The following RGP1 variants were observed in gnomAD, a reference collection of about 807,000 sequenced individuals.
RGP1 encodes the protein RAB6A-GEF complex partner protein 2.
A neutral mutation model predicts 44.5 loss-of-function variants in RGP1; 28 were observed. The observed-to-expected ratio is 0.63, with a 90% CI of 0.47 to 0.86. The LOEUF is 0.86. Among genes scored for constraint, RGP1 ranks in the 40% least tolerant of loss-of-function variants. RGP1 has a pLI of 0.00. For synonymous variants in RGP1, 212 were observed against 196.7 expected (o/e 1.08, Z -0.65); for missense variants, 417 against 490.7 (o/e 0.85, Z 1.42).
At position 35,749,406 on chromosome 9, in the gene RGP1, G is replaced by T. The variant is rs10972571; in HGVS notation, c.-22G>T. On this transcript the variant is annotated splice_region_variant and 5_prime_UTR_variant, in exon 1 of 9. Coordinates refer to ENST00000378078, the MANE Select transcript of RGP1 (RefSeq NM_001080496.3). This position sits in a 1 kb window ranked among gnomAD's most constrained non-coding sequence, Gnocchi z 4.4. ...TGCCGATCCCTAGTGTCGACTATGC[G>T]AGGTGACTAGCGGCGGTGATCTTGG... is the stretch of plus-strand genomic sequence containing the variant. 1 of 559,378 alleles carries T rather than the reference G, an allele frequency of 1.8e-6. No homozygotes were observed. The highest frequency in any genetic ancestry group is 5.0e-5 in the East Asian group (1 of 20,116). The allele number at this position is 559,378 out of a possible 1,614,324, so 34.7% of individuals were successfully genotyped here.
rs1265675727 is a variant in RGP1 at position 35,757,102 on chromosome 9, C to CCT, written c.*4229_*4230insTC. On this transcript the variant is annotated 3_prime_UTR_variant, in exon 9 of 9. Coordinates refer to ENST00000378078, the MANE Select transcript of RGP1 (RefSeq NM_001080496.3). ...GAACAAGGAAAACATCCGCCGGAGG[C>CCT]CCGGCCGGGCGGCGCTCCAGCCTCG... 1 of 152,252 alleles carries CCT rather than the reference C, an allele frequency of 6.6e-6. No individual in the cohort carries two copies. The highest frequency in any genetic ancestry group is 2.4e-5 in the African/African-American group (1 of 41,436). 9.4% of individuals were successfully genotyped at this position (152,252 alleles called of 1,614,324 possible).
At chr9:35,765,634 G>A in the RGP1 span, among the ~76,000 whole-genome samples, 2 of 145,342 alleles carry the variant, frequency 1.4e-5, no homozygotes, top group African/African-American at 5.1e-5. Flanking sequence ...TCCAGCCTGG[G>A]TAACAAAGCA....
At position 35,753,268 on chromosome 9, in the gene RGP1, G is replaced by A; in HGVS notation, c.*394G>A. The A allele has an allele frequency of 6.2e-7, 1 of 1,613,648 alleles. No homozygotes were observed. The highest frequency in any genetic ancestry group is 8.5e-7 in the Non-Finnish European group (1 of 1,179,988). Reference sequence around the variant, plus strand: ...CCTCACACCCAGCCGGGAAGTCGATGGGATGCTGGGACCTGGGGAACCAAG... The same window carrying A: ...CCTCACACCCAGCCGGGAAGTCGATAGGATGCTGGGACCTGGGGAACCAAG... On this transcript the variant is annotated 3_prime_UTR_variant, in exon 9 of 9. Transcript: ENST00000378078. This position sits in a 1 kb window ranked among gnomAD's most constrained non-coding sequence, Gnocchi z 4.2.
chr9:35,761,363 T>C (rs1463647660), downstream of RGP1, among the ~76,000 whole-genome samples: 1 of 152,228 alleles, frequency 6.6e-6, no homozygotes, highest in Non-Finnish European at 1.5e-5. Context: ...AAGCAGCTAA[T>C]GTTCAGTAAG....
chr9:35,751,687 T>C lies in RGP1; in HGVS notation c.695T>C (p.Val232Ala). 6.2e-7 allele frequency: 1 copy of C among 1,613,982 alleles called. No individual in the cohort carries two copies. The highest frequency in any genetic ancestry group is 8.5e-7 in the Non-Finnish European group (1 of 1,179,884). Residue 232 changes from valine to alanine, a missense_variant, in exon 7 of 9, where the codon GTG becomes GCG. Transcript: ENST00000378078. ...KVGTFGIFKS[V>A]YRLGEDVVGT... ...GGGACGTTTGGCATCTTCAAATCTG[T>C]GTACAGACTTGGCGAGGACGTGGTG...
At position 35,753,373 on chromosome 9, in the gene RGP1, C is replaced by A. The variant is rs1827304831; in HGVS notation, c.*499C>A. ...TCCCTCTCTCACAGTTTTCCCCCCA[C>A]AGAGCCCCTTTCAGTGGCCCCTTGG... On this transcript the variant is annotated 3_prime_UTR_variant, in exon 9 of 9. Transcript: ENST00000378078. The surrounding 1 kb of genome is among the most constrained non-coding windows in gnomAD (Gnocchi z 4.2). 5.6e-6 allele frequency: 8 copies of A among 1,423,154 alleles called. No individual in the cohort carries two copies. In the South Asian group the frequency reaches 9.2e-5, roughly 16 times the overall value. 88.2% of individuals were successfully genotyped at this position (1,423,154 alleles called of 1,614,324 possible). A position where few individuals can be genotyped will look rare whatever the true frequency, so the allele number is the denominator to read the frequency against.
rs2132030120 is a variant in RGP1, at chr9:35,749,970, C to A, written c.116+99C>A. The A allele has an allele frequency of 1.1e-6, 1 of 943,466 alleles. No individual in the cohort carries two copies. The highest frequency in any genetic ancestry group is 1.6e-6 in the Non-Finnish European group (1 of 609,784). 58.4% of individuals were successfully genotyped at this position (943,466 alleles called of 1,614,324 possible). A position where few individuals can be genotyped will look rare whatever the true frequency, so the allele number is the denominator to read the frequency against. ...TCAGGTTGTCCTGTAGCGACACCACCTCCTCTTGCTCACTGTGCTGTCATT... is the reference window on the plus strand; with the variant it reads ...TCAGGTTGTCCTGTAGCGACACCACATCCTCTTGCTCACTGTGCTGTCATT... On this transcript the variant is annotated intron_variant, in intron 2 of 8. Transcript: ENST00000378078. The surrounding 1 kb of genome is among the most constrained non-coding windows in gnomAD (Gnocchi z 4.4).
chr9:35,762,469 T>G (rs1827426779), downstream of RGP1, among the ~76,000 whole-genome samples: 2 of 152,198 alleles, frequency 1.3e-5, no homozygotes, highest in African/African-American at 2.4e-5. Flanking sequence ...GGATGAGGTT[T>G]TAGACATTAA....
downstream of RGP1, among the ~76,000 whole-genome samples, chr9:35,760,241 T>C (rs997860949): frequency 6.6e-6 from 1 of 152,008 alleles, no homozygotes; most frequent in Non-Finnish European, 1.5e-5. Flanking sequence ...TTCCAATGGA[T>C]TGGGGCTGAT....
In RGP1 at chr9:35,756,441, C is replaced by A. The variant is rs1232944155; in HGVS notation, c.*3567C>A. On this transcript the variant is annotated 3_prime_UTR_variant, in exon 9 of 9. Transcript: ENST00000378078. Reference sequence around the variant, plus strand: ...AGATGCAGAATGGACCTCACGTTCGCCCTAGTCAGGACTGATACCCTTTCC... The same window carrying A: ...AGATGCAGAATGGACCTCACGTTCGACCTAGTCAGGACTGATACCCTTTCC... 1 of 152,324 alleles carries A rather than the reference C, an allele frequency of 6.6e-6. No individual in the cohort carries two copies. The highest frequency in any genetic ancestry group is 2.4e-5 in the African/African-American group (1 of 41,472). 9.4% of individuals were successfully genotyped at this position (152,324 alleles called of 1,614,324 possible).
downstream of RGP1, among the ~76,000 whole-genome samples, chr9:35,762,356 T>G (rs1279359853): frequency 6.6e-6 from 1 of 152,200 alleles, no homozygotes; most frequent in Non-Finnish European, 1.5e-5. Context: ...AAGGAAATTT[T>G]GACTCATTTG....
chr9:35,749,341 TAGCC>T lies in RGP1; in HGVS notation c.-84_-81del. The T allele has an allele frequency of 1.9e-6, 1 of 535,354 alleles. No homozygotes were observed. Among genetic ancestry groups the T allele is most frequent in the Middle Eastern group, 3.2e-4 (1 of 3,120 alleles). The allele number at this position is 535,354 out of a possible 1,614,324, so 33.2% of individuals were successfully genotyped here. The stretch of plus-strand genomic sequence containing the variant: ...GCCGCCGCCGCCGCCGCCGCGTACC[TAGCC>T]AGGTCCCTGAGGGGCGGGCAGATGA... On this transcript the variant is annotated 5_prime_UTR_variant, in exon 1 of 9. Coordinates refer to ENST00000378078, the MANE Select transcript of RGP1 (RefSeq NM_001080496.3). This position sits in a 1 kb window ranked among gnomAD's most constrained non-coding sequence, Gnocchi z 4.4.
In RGP1 at chr9:35,753,859, C is replaced by T. The variant is rs901464757; in HGVS notation, c.*985C>T. ...CTGGGGTGGAGACAGTAAGTACGCA[C>T]TATCCCCGTATTTAGTTTGTCTTTC... On this transcript the variant is annotated 3_prime_UTR_variant, in exon 9 of 9. Transcript: ENST00000378078. The surrounding 1 kb of genome is among the most constrained non-coding windows in gnomAD (Gnocchi z 4.2). 1.6e-5 allele frequency: 25 copies of T among 1,517,300 alleles called. No individual in the cohort carries two copies. The East Asian group carries it at 5.2e-4, about 32-fold the overall frequency. The allele number at this position is 1,517,300 out of a possible 1,614,324, so 94.0% of individuals were successfully genotyped here. A position where few individuals can be genotyped will look rare whatever the true frequency, so the allele number is the denominator to read the frequency against.
Position 35,750,931 on chromosome 9 carries a change from G to A in RGP1, c.429G>A (p.Gln143=). Residue 143 remains glutamine, a synonymous_variant, in exon 5 of 9, where the codon CAG becomes CAA. Coordinates refer to ENST00000378078, the MANE Select transcript of RGP1 (RefSeq NM_001080496.3). ...KYVYKLTIGC[Q]RVNSPITLLR... ...TCTACAAACTGACCATTGGCTGCCA[G>A]CGTGTCAACTCCCCTATCACTTTAC... 6.2e-7 allele frequency: 1 copy of A among 1,614,036 alleles called. No homozygotes were observed. Among genetic ancestry groups the A allele is most frequent in the Non-Finnish European group, 8.5e-7 (1 of 1,179,898 alleles).
chr9:35,763,104 A>T (rs879940634), downstream of RGP1, among the ~76,000 whole-genome samples: 1 of 152,136 alleles, frequency 6.6e-6, no homozygotes, highest in South Asian at 2.1e-4. Flanking sequence ...CCAGAATCTC[A>T]TTTCTTCTAA....
chr9:35,790,130 C>CTTTTTTT, the RGP1 span: 1 of 143,802 alleles, frequency 7.0e-6, no homozygotes, highest in African/African-American at 2.5e-5. Context: ...TTGACTGTTC[C>CTTTTTTT]TTTTTTTTTT....
At chr9:35,750,134 C>T in intron 2 of RGP1, 109 bp from the exon 3 acceptor site, 2 of 1,437,710 alleles carry the variant, frequency 1.4e-6, no homozygotes. Context: ...TTCCTGATCA[C>T]TAGGACAGCC....
rs781724150 is a variant in RGP1, at chr9:35,750,349, G to C, written c.223G>C (p.Asp75His). 1 of 1,613,960 alleles carries C rather than the reference G, an allele frequency of 6.2e-7. No individual in the cohort carries two copies. Among genetic ancestry groups the C allele is most frequent in the East Asian group, 2.2e-5 (1 of 44,878 alleles). ...PDSSQPDVQP[D>H]SQTVFLPHRG... is the part of the protein sequence containing the mutation. The stretch of plus-strand genomic sequence containing the variant: ...CTCTAGTCAGCCAGATGTCCAGCCC[G>C]ACAGCCAGACTGTCTTTCTGCCACA... Residue 75 changes from aspartate (D) to histidine (H), a missense_variant, in exon 3 of 9, where the codon GAC becomes CAC. Coordinates refer to ENST00000378078, the MANE Select transcript of RGP1 (RefSeq NM_001080496.3).
chr9:35,760,242 T>C (rs1827407181), downstream of RGP1, among the ~76,000 whole-genome samples: 1 of 151,414 alleles, frequency 6.6e-6, no homozygotes, highest in Non-Finnish European at 1.5e-5. Flanking sequence ...TCCAATGGAT[T>C]GGGGCTGATG....
Sources: gnomAD v4.1 joint callset for allele counts (sites outside exome capture counted in the v4.1 genomes callset) on GRCh38, gnomAD v4.1.1 for gene constraint, Gnocchi (gnomAD v3.1) non-coding constraint, MANE v1.5 for transcripts, NCBI Gene and HGNC (gene_info 2026-07-23, HGNC 2026-07-21) for gene names.